Variants in PARVB observed in about 807,000 individuals in gnomAD.
PARVB encodes the protein beta-parvin.
Under a neutral mutation model 47.0 loss-of-function variants are expected in PARVB, and 46 were observed. The ratio of observed to expected loss-of-function variants is 0.98; its 90% CI spans 0.77 to 1.25. The LOEUF (loss-of-function observed/expected upper bound fraction) is 1.25. Among genes scored for constraint, PARVB ranks in the 50% most tolerant of loss-of-function variants. The pLI is 0.00. For missense variants in PARVB, 473 were observed against 471.6 expected (o/e 1.00, Z -0.03); for synonymous variants, 196 against 196.3 (o/e 1.00, Z 0.01).
intron 2 of PARVB, among the ~76,000 whole-genome samples, chr22:44,011,746 A>T (rs2050525444): frequency 6.6e-6 from 1 of 152,076 alleles, no homozygotes; most frequent in African/African-American, 2.4e-5. Context: ...TGTTCTCATG[A>T]TGTGCTATGG....
At chr22:44,087,277 G>C (rs1436374281) in intron 1 of PARVB, among the ~76,000 whole-genome samples, 5 of 152,228 alleles carry the variant, frequency 3.3e-5, no homozygotes, top group Admixed American at 6.5e-5. Flanking sequence ...TGCACGGATG[G>C]TGTAGAAAGT....
chr22:44,132,380 C>T (rs1025678587), intron 5 of PARVB, among the ~76,000 whole-genome samples: 1 of 152,198 alleles, frequency 6.6e-6, no homozygotes, highest in Admixed American at 6.5e-5. Context: ...GTTGACCAAA[C>T]CTGAGTCCGC....
rs368073407 is a variant in PARVB, at chr22:44,147,881, C to A, written c.733C>A (p.Leu245Met). ...GRFERDAFDT[L>M]FDHAPDKLSV... ...CTCAGAGCGGGATGCCTTCGACACGCTGTTCGACCACGCCCCGGATAAGCT... is the reference window on the plus strand; with the variant it reads ...CTCAGAGCGGGATGCCTTCGACACGATGTTCGACCACGCCCCGGATAAGCT... Residue 245 changes from leucine (L) to methionine (M), a missense_variant, in exon 9 of 13, where the codon CTG becomes ATG. Coordinates refer to ENST00000338758, the MANE Select transcript of PARVB (RefSeq NM_013327.5). The A allele has an allele frequency of 1.9e-6, 3 of 1,614,000 alleles. No individual in the cohort carries two copies. The highest frequency in any genetic ancestry group is 2.5e-6 in the Non-Finnish European group (3 of 1,180,014).
At chr22:44,115,840 G>A (rs1009708095) in intron 3 of PARVB, 1 of 146,724 alleles carries the variant, frequency 6.8e-6, no homozygotes, top group African/African-American at 2.6e-5. Context: ...ACACCAGAAT[G>A]GATACATTGT....
chr22:44,163,975 G>A, intron 12 of PARVB, 45 bp downstream of exon 12: 3 of 1,493,040 alleles, frequency 2.0e-6, no homozygotes, highest in Non-Finnish European at 2.8e-6. Flanking sequence ...TGCGCACGGA[G>A]GGGAAGAAAA....
chr22:44,087,115 T>TG (rs1438263783), intron 1 of PARVB: 1 of 152,270 alleles, frequency 6.6e-6, no homozygotes, highest in Non-Finnish European at 1.5e-5. Context: ...TGTTTAAAAC[T>TG]GGGGCAGCTT....
rs891630715 is a variant in PARVB, at chr22:44,125,623, G to A, written c.377-5864G>A. The stretch of plus-strand genomic sequence containing the variant: ...TGTTGGAGGAGCAGTGAAAAGAAGC[G>A]GAGGCGGGGCCCAGGTGGCAGAGAG... On this transcript the variant is annotated intron_variant, in intron 4 of 12. Transcript: ENST00000338758. The surrounding 1 kb of genome is among the most constrained non-coding windows in gnomAD (Gnocchi z 4.1). Among the ~76,000 whole-genome samples the A allele has an allele frequency of 5.3e-5, 8 of 152,148 alleles. No homozygotes were observed. Among genetic ancestry groups the A allele is most frequent in the African/African-American group, 7.2e-5 (3 of 41,416 alleles).
At chr22:44,039,378 T>C (rs1170472495) in intron 1 of PARVB, among the ~76,000 whole-genome samples, 1 of 151,564 alleles carries the variant, frequency 6.6e-6, no homozygotes, top group Non-Finnish European at 1.5e-5. Context: ...TGACGAAACC[T>C]AAAAATATAA....
chr22:44,037,198 T>G (rs909936467), intron 1 of PARVB, among the ~76,000 whole-genome samples: 10 of 151,852 alleles, frequency 6.6e-5, no homozygotes, highest in Admixed American at 6.6e-4. Context: ...AAAAAACAGC[T>G]GAGCATGGTG....
intron 3 of PARVB, chr22:44,109,729 CTTT>C (rs199796021): frequency 6.7e-6 from 1 of 149,662 alleles, no homozygotes; most frequent in African/African-American, 2.5e-5. Flanking sequence ...CCAGATGTGA[CTTT>C]TTTTTTTCTT....
intron 11 of PARVB, among the ~76,000 whole-genome samples, chr22:44,158,601 G>C (rs139829848): frequency 6.6e-6 from 1 of 152,096 alleles, no homozygotes; most frequent in East Asian, 1.9e-4. Flanking sequence ...CCTGTGGATT[G>C]TTTTCTTAGG....
intron 1 of PARVB, among the ~76,000 whole-genome samples, chr22:44,073,620 T>G (rs1440657913): frequency 6.6e-6 from 1 of 152,212 alleles, no homozygotes. Flanking sequence ...GATCTTCAGA[T>G]GCAGAAATTT....
chr22:44,141,327 C>T (rs1239775520), intron 8 of PARVB: 1 of 152,372 alleles, frequency 6.6e-6, no homozygotes, highest in African/African-American at 2.4e-5. Context: ...CAAGGTCCCA[C>T]AATAGTCCTT....
At chr22:44,002,819 G>A (rs557135896) in intron 2 of PARVB, among the ~76,000 whole-genome samples, 2 of 152,242 alleles carry the variant, frequency 1.3e-5, no homozygotes, top group South Asian at 2.1e-4. Flanking sequence ...TTGCCCGAAA[G>A]TGGGGCGAAT....
intron 1 of PARVB, among the ~76,000 whole-genome samples, chr22:44,091,766 A>G (rs1160334151): frequency 6.6e-6 from 1 of 152,228 alleles, no homozygotes; most frequent in African/African-American, 2.4e-5. Context: ...CAGTGCCCGA[A>G]GGTTCCCTCG....
chr22:44,066,781 C>CTTCTCCTCCTCCTCCTCCTCT (rs1569087858), intron 1 of PARVB, among the ~76,000 whole-genome samples: 1 of 53,982 alleles, frequency 1.9e-5, no homozygotes, highest in Non-Finnish European at 4.1e-5. Flanking sequence ...TTAATTATTT[C>CTTCTCCTCCTCCTCCTCCTCT]TCCTCCTCCT....
intron 2 of PARVB, among the ~76,000 whole-genome samples, chr22:44,000,209 A>C (rs928982972): frequency 4.9e-4 from 74 of 152,230 alleles, no homozygotes; most frequent in African/African-American, 1.7e-3. Flanking sequence ...TCTACCCCCA[A>C]GGTAAAGGCT....
intron 4 of PARVB, 33 bp from the exon 5 acceptor site, chr22:44,131,454 T>A: frequency 1.2e-6 from 2 of 1,609,062 alleles, no homozygotes; most frequent in Middle Eastern, 3.3e-4. Flanking sequence ...TCCAGCTTTT[T>A]CTGACCCTCT....
Position 44,168,669 on chromosome 22 carries a change from C to G in PARVB, c.1086C>G (p.Asn362Lys). ...ACAACCTGTTCACCAAGTACAAGAA[C>G]GTGGAGTGACGGGGGAGCTGTGGAT... ...VLYNLFTKYKNVE is the reference protein window; with the variant it reads ...VLYNLFTKYKKVE The change falls in exon 13 of 13, where the codon AAC becomes AAG. Residue 362 changes from asparagine (N) to lysine (K), a missense_variant. Transcript: ENST00000338758. The G allele has an allele frequency of 1.2e-6, 2 of 1,608,426 alleles. No individual in the cohort carries two copies. Among genetic ancestry groups the G allele is most frequent in the South Asian group, 1.1e-5 (1 of 90,982 alleles).
Sources: allele counts gnomAD v4.1 joint callset (sites outside exome capture counted in the v4.1 genomes callset), GRCh38; gene constraint gnomAD v4.1.1; non-coding constraint Gnocchi (gnomAD v3.1); transcripts MANE v1.5; gene names NCBI Gene and HGNC (gene_info 2026-07-23, HGNC 2026-07-21).